ALDH5A1: variants seen among roughly 807,000 people sequenced by gnomAD.
ALDH5A1 encodes the protein aldehyde dehydrogenase 5 family member A1, also known as succinate-semialdehyde dehydrogenase, mitochondrial.
A neutral mutation model predicts 54.7 loss-of-function variants in ALDH5A1; 33 were observed. The observed-to-expected ratio is 0.60, with a 90% CI of 0.46 to 0.81. The LOEUF (loss-of-function observed/expected upper bound fraction) is 0.81, where lower values mean the gene tolerates loss of function less well. Among genes scored for constraint, ALDH5A1 ranks in the 30% least tolerant of loss-of-function variants. The pLI is 0.00. For missense variants in ALDH5A1, 657 were observed against 711.0 expected (o/e 0.92, Z 0.86); for synonymous variants, 294 against 292.7 (o/e 1.00, Z -0.05).
At chr6:24,530,421 G>A (rs1482148623) in intron 8 of ALDH5A1, among the ~76,000 whole-genome samples, 1 of 152,138 alleles carries the variant, frequency 6.6e-6, no homozygotes, top group Non-Finnish European at 1.5e-5. Flanking sequence ...AGGTTGTGCT[G>A]CTTTATCTTT....
At chr6:24,522,293 G>A (rs1759699868) in intron 6 of ALDH5A1, among the ~76,000 whole-genome samples, 1 of 152,148 alleles carries the variant, frequency 6.6e-6, no homozygotes, top group African/African-American at 2.4e-5. Context: ...GCGACAGAGC[G>A]AGACCCTGTG....
chr6:24,523,458 A>G (rs538792408), intron 7 of ALDH5A1, among the ~76,000 whole-genome samples: 9 of 152,184 alleles, frequency 5.9e-5, no homozygotes, highest in Non-Finnish European at 1.0e-4. Context: ...TCTGCCTACC[A>G]GTTATATGAA....
chr6:24,520,682 T>C, intron 6 of ALDH5A1, 138 bp downstream of exon 6: 1 of 1,294,788 alleles, frequency 7.7e-7, no homozygotes, highest in Non-Finnish European at 1.1e-6. Context: ...CCACCACCTC[T>C]ACTGCCTTAT....
chr6:24,518,839 G>C lies in ALDH5A1; in HGVS notation c.871-1562G>C, dbSNP rs905342393. Reference sequence around the variant, plus strand: ...GGGGGGCAATCCTAGAGCCACCTTGGGCTTGCGAACACCGTCTGTTTCACT... The same window carrying C: ...GGGGGGCAATCCTAGAGCCACCTTGCGCTTGCGAACACCGTCTGTTTCACT... On this transcript the variant is annotated intron_variant, in intron 5 of 9. Transcript: ENST00000357578. The surrounding 1 kb of genome is among the most constrained non-coding windows in gnomAD (Gnocchi z 4.2). 2.0e-5 allele frequency among the ~76,000 whole-genome samples: 3 copies of C among 152,098 alleles called. No homozygotes were observed. The highest frequency in any genetic ancestry group is 6.5e-5 in the Admixed American group (1 of 15,276).
chr6:24,503,429 C>T lies in ALDH5A1; in HGVS notation c.605C>T (p.Thr202Ile), dbSNP rs148733464. The T allele has an allele frequency of 8.1e-5, 130 of 1,612,184 alleles. No homozygotes were observed. In the African/African-American group the frequency reaches 1.4e-3, roughly 18 times the overall value. Residue 202 changes from threonine to isoleucine, a missense_variant, in exon 3 of 10, where the codon ACC becomes ATC. This residue lies in a region of ALDH5A1 where 425 missense variants were observed against 516.4 expected (regional missense o/e 0.82). Coordinates refer to ENST00000357578, the MANE Select transcript of ALDH5A1 (RefSeq NM_001080.3). ...CCCATAGGCGTGGCTGCAGTCATCA[C>T]CCCGGTAGGTGACAGGATCAGCAAG... is the stretch of plus-strand genomic sequence containing the variant. ...KQPIGVAAVI[T>I]PWNFPSAMIT...
chr6:24,513,115 T>A (rs1478756806), intron 4 of ALDH5A1, among the ~76,000 whole-genome samples: 1 of 152,044 alleles, frequency 6.6e-6, no homozygotes, highest in African/African-American at 2.4e-5. Flanking sequence ...GCTGGAGTAC[T>A]GTGTTGCTAT....
At chr6:24,522,478 C>CGTGTGTGTGTGTGTGTGTGAGTGT (rs1759710380) in intron 6 of ALDH5A1, among the ~76,000 whole-genome samples, 1 of 134,496 alleles carries the variant, frequency 7.4e-6, no homozygotes, top group South Asian at 2.6e-4. Flanking sequence ...TCTTTTCTTT[C>CGTGTGTGTGTGTGTGTGTGAGTGT]GTGTGTGTGT....
At chr6:24,506,401 C>T (rs1353866842) in intron 4 of ALDH5A1, among the ~76,000 whole-genome samples, 1 of 151,444 alleles carries the variant, frequency 6.6e-6, no homozygotes, top group Non-Finnish European at 1.5e-5. Context: ...TACAGATGCC[C>T]GTCACCACAC....
intron 4 of ALDH5A1, among the ~76,000 whole-genome samples, chr6:24,506,726 C>T (rs1430998147): frequency 6.6e-6 from 1 of 152,176 alleles, no homozygotes; most frequent in Non-Finnish European, 1.5e-5. Context: ...TTTCCATTCT[C>T]ATTTTTAGTA....
intron 9 of ALDH5A1, among the ~76,000 whole-genome samples, 182 bp downstream of exon 9, chr6:24,532,359 C>T (rs1450618187): frequency 6.6e-6 from 1 of 152,166 alleles, no homozygotes; most frequent in East Asian, 1.9e-4. Flanking sequence ...TTTCCCTTGT[C>T]CCCATGATAC....
At chr6:24,505,624 TC>T (rs1289008693) in intron 4 of ALDH5A1, among the ~76,000 whole-genome samples, 1 of 152,166 alleles carries the variant, frequency 6.6e-6, no homozygotes, top group Non-Finnish European at 1.5e-5. Context: ...CTTCACGTCT[TC>T]ACTCAAATTC....
In ALDH5A1 at chr6:24,522,725, CT is replaced by C. The variant is rs771791754; in HGVS notation, c.1015-40del. The C allele has an allele frequency of 1.9e-6, 3 of 1,610,612 alleles. No homozygotes were observed. In the East Asian group the frequency reaches 6.7e-5, roughly 36 times the overall value. On this transcript the variant is annotated intron_variant, in intron 6 of 9. Coordinates refer to ENST00000357578, the MANE Select transcript of ALDH5A1 (RefSeq NM_001080.3). ...ACACGTTCACTGGTCAGGTCTGCAG[CT>C]TCTGACAGACTGTGTGGGTTTGTTT...
chr6:24,514,221 C>T (rs901764599), intron 4 of ALDH5A1, among the ~76,000 whole-genome samples: 2 of 152,142 alleles, frequency 1.3e-5, no homozygotes, highest in African/African-American at 4.8e-5. Context: ...TGCTATGCCT[C>T]CCTTTCTTCA....
intron 4 of ALDH5A1, chr6:24,511,946 C>G (rs1759469286): frequency 1.9e-5 from 10 of 527,806 alleles, no homozygotes; most frequent in Middle Eastern, 2.9e-4. Context: ...CTGGTTTCTT[C>G]TTATTGGGGT....
rs375134537 is a variant in ALDH5A1, at chr6:24,508,406, C to T, written c.726+3421C>T. Among the ~76,000 whole-genome samples, 6 of 8,848 alleles carry T rather than the reference C, an allele frequency of 6.8e-4. 1 individual carries two copies. Among genetic ancestry groups the T allele is most frequent in the Non-Finnish European group, 1.1e-3 (2 of 1,824 alleles). The allele number at this position is 8,848 out of a possible 152,430, so 5.8% of individuals were successfully genotyped here. A position where few individuals can be genotyped will look rare whatever the true frequency, so the allele number is the denominator to read the frequency against. On this transcript the variant is annotated intron_variant, in intron 4 of 9. Transcript: ENST00000357578. Reference sequence around the variant, plus strand: ...AAAAAAAAGATTAATAGTCTCTAATCCTCTAATCTCATCCAGCCCACTGCA... The same window carrying T: ...AAAAAAAAGATTAATAGTCTCTAATTCTCTAATCTCATCCAGCCCACTGCA...
chr6:24,502,574 G>T lies in ALDH5A1; in HGVS notation c.406G>T (p.Asp136Tyr). 1 of 1,613,716 alleles carries T rather than the reference G, an allele frequency of 6.2e-7. No homozygotes were observed. The highest frequency in any genetic ancestry group is 8.5e-7 in the Non-Finnish European group (1 of 1,179,682). Residue 136 changes from aspartate to tyrosine, a missense_variant, in exon 2 of 10, where the codon GAT becomes TAT. Physicochemically the swap from Asp to Tyr is radical, Grantham distance 160. Coordinates refer to ENST00000357578, the MANE Select transcript of ALDH5A1 (RefSeq NM_001080.3). ...GTACAATTTAATGATACAAAATAAGGATGACCTTGCCAGAATAATCACAGC... is the reference window on the plus strand; with the variant it reads ...GTACAATTTAATGATACAAAATAAGTATGACCTTGCCAGAATAATCACAGC... ...KWYNLMIQNKDDLARIITAES... is the reference protein window; with the variant it reads ...KWYNLMIQNKYDLARIITAES...
At chr6:24,522,576 A>G (rs1759715234) in intron 6 of ALDH5A1, 191 bp from the exon 7 acceptor site, 3 of 568,824 alleles carry the variant, frequency 5.3e-6, no homozygotes, top group African/African-American at 1.9e-5. Context: ...AGGGAACTGG[A>G]GGGGAACATG....
At chr6:24,497,468 C>A (rs561844787) in intron 1 of ALDH5A1, among the ~76,000 whole-genome samples, 30 of 152,248 alleles carry the variant, frequency 2.0e-4, no homozygotes, top group African/African-American at 7.2e-4. Context: ...AGCTCCAGAT[C>A]GCTGATTGGT....
At chr6:24,530,657 A>G (rs1016399597) in intron 8 of ALDH5A1, among the ~76,000 whole-genome samples, 1 of 152,212 alleles carries the variant, frequency 6.6e-6, no homozygotes, top group Non-Finnish European at 1.5e-5. Flanking sequence ...CACCCCAAGT[A>G]TCCTTTCCGC....
Sources: allele counts gnomAD v4.1 joint callset (sites outside exome capture counted in the v4.1 genomes callset), GRCh38; gene constraint gnomAD v4.1.1; regional missense constraint gnomAD v4.1.1; non-coding constraint Gnocchi (gnomAD v3.1); transcripts MANE v1.5; gene names NCBI Gene and HGNC (gene_info 2026-07-23, HGNC 2026-07-21).